PAK3: variants seen among roughly 807,000 people sequenced by gnomAD.
PAK3 encodes the protein serine/threonine-protein kinase PAK 3.
PAK3 carries 4 observed loss-of-function variants against 41.0 expected under a neutral mutation model. The ratio of observed to expected loss-of-function variants is 0.10; its 90% CI spans 0.05 to 0.22. The LOEUF (loss-of-function observed/expected upper bound fraction) is 0.22, where lower values mean the gene tolerates loss of function less well. PAK3 is among the 10% of genes least tolerant of loss of function. The pLI is 1.00. For missense variants in PAK3, 205 were observed against 409.9 expected, an observed-to-expected ratio of 0.50 and a Z score of 4.32; for synonymous variants, 146 against 139.6, an observed-to-expected ratio of 1.05 and a Z score of -0.32.
intron 1 of PAK3, among the ~76,000 whole-genome samples, chrX:111,085,506 T>C (rs1038584095): frequency 2.7e-5 from 3 of 112,223 alleles, no homozygotes; most frequent in Admixed American, 1.9e-4. Context: ...TGGAGTTGAG[T>C]CTTGCTTTAA....
intron 1 of PAK3, among the ~76,000 whole-genome samples, chrX:111,080,441 G>A (rs1409534898): frequency 8.9e-6 from 1 of 112,170 alleles, no homozygotes; most frequent in Non-Finnish European, 1.9e-5. Context: ...TTTAAATTAA[G>A]CTATGTATAT....
intron 16 of PAK3, among the ~76,000 whole-genome samples, chrX:111,215,538 C>A (rs1385879688): frequency 1.9e-5 from 2 of 104,006 alleles, no homozygotes; most frequent in African/African-American, 7.0e-5. Context: ...GATTCCGTCT[C>A]AAAAAAAAAA....
intron 1 of PAK3, among the ~76,000 whole-genome samples, chrX:110,980,626 T>C (rs2091432549): frequency 8.9e-6 from 1 of 111,896 alleles, no homozygotes; most frequent in Non-Finnish European, 1.9e-5. Flanking sequence ...ACATTTAACA[T>C]ACGTGTACAT....
At chrX:111,085,535 T>G (rs2092874930) in intron 1 of PAK3, among the ~76,000 whole-genome samples, 1 of 112,393 alleles carries the variant, frequency 8.9e-6, no homozygotes, top group Non-Finnish European at 1.9e-5. Context: ...TGCAGAAGTC[T>G]GCCTTTGAAA....
chrX:111,215,466 GA>G (rs202076901), intron 16 of PAK3, among the ~76,000 whole-genome samples: 15,087 of 110,529 alleles, frequency 0.14, 2,538 homozygotes, highest in African/African-American at 0.46. Context: ...TTGAACCCAG[GA>G]AGGCGGAGGT....
At chrX:111,138,255 A>G (rs969241334) in intron 5 of PAK3, among the ~76,000 whole-genome samples, 2 of 111,056 alleles carry the variant, frequency 1.8e-5, no homozygotes, top group African/African-American at 3.3e-5. Context: ...CGGAGATTAA[A>G]TGAGATAGCC....
chrX:111,143,618 A>G lies in PAK3; in HGVS notation c.276+1422A>G, dbSNP rs914671239. ...CACACTTAGATACTCCAACCTTGCT[A>G]TTATGACTACCACCACCATCATCAC... On this transcript the variant is annotated intron_variant, in intron 6 of 17. Coordinates refer to ENST00000372007, the MANE Select transcript of PAK3 (RefSeq NM_002578.5). Among the ~76,000 whole-genome samples, 4 of 111,360 alleles carry G rather than the reference A, an allele frequency of 3.6e-5. No individual in the cohort carries two copies. In the Admixed American group the frequency reaches 3.8e-4, roughly 11 times the overall value.
At chrX:111,176,849 A>G (rs975879899) in intron 11 of PAK3, among the ~76,000 whole-genome samples, 18 of 110,586 alleles carry the variant, frequency 1.6e-4, no homozygotes, top group Non-Finnish European at 2.8e-4. Flanking sequence ...TCTATTTACT[A>G]TGATTTTATC....
chrX:110,974,552 T>A (rs1277135452), intron 1 of PAK3, among the ~76,000 whole-genome samples: 1 of 111,760 alleles, frequency 8.9e-6, no homozygotes, highest in Non-Finnish European at 1.9e-5. Flanking sequence ...CTGGTACCAT[T>A]CCTTCTGAAA....
chrX:111,215,345 G>A, intron 16 of PAK3, among the ~76,000 whole-genome samples: 1 of 111,139 alleles, frequency 9.0e-6, no homozygotes, highest in Middle Eastern at 4.7e-3. Flanking sequence ...GATCATTTAA[G>A]TTCGGGAGTT....
intron 16 of PAK3, among the ~76,000 whole-genome samples, chrX:111,209,670 C>A (rs1265174081): frequency 2.7e-5 from 3 of 112,040 alleles, no homozygotes; most frequent in Non-Finnish European, 5.6e-5. Context: ...GGTGCTGGGG[C>A]CCCTCATGGT....
chrX:111,000,041 T>C (rs996886258), intron 1 of PAK3, among the ~76,000 whole-genome samples: 10 of 111,689 alleles, frequency 9.0e-5, no homozygotes, highest in African/African-American at 3.3e-4. Context: ...ATATTCCCTC[T>C]CACTGGGGCA....
At chrX:111,006,940 G>C (rs2091941724) in intron 1 of PAK3, among the ~76,000 whole-genome samples, 2 of 102,785 alleles carry the variant, frequency 1.9e-5, no homozygotes, top group Admixed American at 1.1e-4. Flanking sequence ...AACTTTCCAG[G>C]CTCAAGTGAT....
intron 1 of PAK3, among the ~76,000 whole-genome samples, chrX:111,041,642 C>G (rs1028188283): frequency 9.0e-6 from 1 of 111,490 alleles, no homozygotes; most frequent in African/African-American, 3.3e-5. Flanking sequence ...CAACCTCATC[C>G]TACCTCCACT....
At chrX:111,208,803 A>G (rs1380522240) in intron 16 of PAK3, among the ~76,000 whole-genome samples, 2 of 111,881 alleles carry the variant, frequency 1.8e-5, no homozygotes, top group African/African-American at 3.3e-5. Flanking sequence ...TAGGTATCAT[A>G]AACAATCCAG....
chrX:111,116,881 C>T (rs1308323751), intron 4 of PAK3, among the ~76,000 whole-genome samples: 2 of 112,332 alleles, frequency 1.8e-5, no homozygotes, highest in Non-Finnish European at 3.8e-5. Context: ...GCCTCTCTTT[C>T]TTGTCTGGCT....
chrX:110,991,695 T>A (rs1238936159), intron 1 of PAK3, among the ~76,000 whole-genome samples: 1 of 112,223 alleles, frequency 8.9e-6, no homozygotes, highest in East Asian at 2.8e-4. Flanking sequence ...TCATGCCAAA[T>A]CTTACTACTA....
At chrX:111,043,614 C>T (rs1003486534) in intron 1 of PAK3, among the ~76,000 whole-genome samples, 3 of 112,199 alleles carry the variant, frequency 2.7e-5, no homozygotes, top group Non-Finnish European at 5.6e-5. Context: ...ATAAAGTTAT[C>T]TTTCTTCAGA....
chrX:111,220,963 C>CAAAAAAAAAAAAAAAAAAAAAAAAA lies in PAK3; in HGVS notation c.*519_*520insAAAAAAAAAAAAAAAAAAAAAAAAA, dbSNP rs1319121618. 1 of 54,528 alleles carries CAAAAAAAAAAAAAAAAAAAAAAAAA rather than the reference C, an allele frequency of 1.8e-5. No homozygotes were observed. The highest frequency in any genetic ancestry group is 6.5e-5 in the African/African-American group (1 of 15,480). The allele number at this position is 54,528 out of a possible 1,213,427, so 4.5% of individuals were successfully genotyped here. A position where few individuals can be genotyped will look rare whatever the true frequency, so the allele number is the denominator to read the frequency against. On this transcript the variant is annotated 3_prime_UTR_variant, in exon 18 of 18. Transcript: ENST00000372007. ...AGCAAGGCAAAAAAAAAAAAAAAAA[C>CAAAAAAAAAAAAAAAAAAAAAAAAA]AAACAAAAACAAAAACAAAACAAAA...
Sources: allele counts gnomAD v4.1 joint callset (sites outside exome capture counted in the v4.1 genomes callset), GRCh38; gene constraint gnomAD v4.1.1; transcripts MANE v1.5; gene names NCBI Gene and HGNC (gene_info 2026-07-23, HGNC 2026-07-21).